Variants in PC observed in about 807,000 individuals in gnomAD.
The protein encoded by PC is pyruvate carboxylase, mitochondrial.
Under a neutral mutation model 107.8 loss-of-function variants are expected in PC, and 46 were observed. The observed-to-expected ratio is 0.43, with a 90% CI of 0.34 to 0.55. The LOEUF is 0.55. Among genes scored for constraint, PC ranks in the 20% least tolerant of loss-of-function variants. The pLI is 0.04. For missense variants in PC, 1,241 were observed against 1,643.1 expected, an observed-to-expected ratio of 0.76 and a Z score of 4.23; for synonymous variants, 662 against 684.7, an observed-to-expected ratio of 0.97 and a Z score of 0.52.
intron 1 of PC, among the ~76,000 whole-genome samples, chr11:66,956,975 G>A (rs1949574892): frequency 6.6e-6 from 1 of 152,238 alleles, no homozygotes; most frequent in African/African-American, 2.4e-5. Context: ...CTGTCTCTCG[G>A]CCCAGTGTAG....
At chr11:66,943,755 C>CAAAAAAAAAA (rs34245785) in intron 3 of PC, among the ~76,000 whole-genome samples, 1 of 17,584 alleles carries the variant, frequency 5.7e-5, no homozygotes, top group Non-Finnish European at 9.5e-5. Context: ...GACTCCGGCT[C>CAAAAAAAAAA]AAAAAAAAAA....
At chr11:66,905,421 A>C (rs755376601) in intron 3 of PC, among the ~76,000 whole-genome samples, 11 of 152,220 alleles carry the variant, frequency 7.2e-5, no homozygotes, top group Non-Finnish European at 1.5e-4. Flanking sequence ...GTCAGGGGCC[A>C]GTGGAGCCAG....
chr11:66,921,163 G>A (rs1948587356), intron 3 of PC, among the ~76,000 whole-genome samples: 1 of 152,194 alleles, frequency 6.6e-6, no homozygotes, highest in Non-Finnish European at 1.5e-5. Context: ...GAGTCGTGAG[G>A]AAGACAAACC....
In PC at chr11:66,866,241, C is replaced by T; in HGVS notation, c.1131G>A (p.Arg377=). 1.2e-6 allele frequency: 2 copies of T among 1,612,686 alleles called. No homozygotes were observed. Among genetic ancestry groups the T allele is most frequent in the Non-Finnish European group, 1.7e-6 (2 of 1,179,822 alleles). ...IRINGCAIQC[R]VTTEDPARSF... is the part of the protein sequence containing the mutation. Reference sequence around the variant, plus strand: ...TGCGCGCGGGGTCCTCGGTGGTGACCCGGCACTGGATGGCACACCCGTTGA... The same window carrying T: ...TGCGCGCGGGGTCCTCGGTGGTGACTCGGCACTGGATGGCACACCCGTTGA... Residue 377 remains arginine (R), a synonymous_variant, in exon 11 of 23, where the codon CGG becomes CGA. Coordinates refer to ENST00000393960, the MANE Select transcript of PC (RefSeq NM_001040716.2). This position sits in a 1 kb window ranked among gnomAD's most constrained non-coding sequence, Gnocchi z 5.4.
intron 12 of PC, chr11:66,859,901 G>A (rs760608890): frequency 1.3e-6 from 2 of 1,576,416 alleles, no homozygotes; most frequent in Admixed American, 3.6e-5. Flanking sequence ...TGGCCTTGCT[G>A]GTTCGGGGCC....
At chr11:66,951,907 A>G (rs1291714249) in intron 3 of PC, among the ~76,000 whole-genome samples, 1 of 152,090 alleles carries the variant, frequency 6.6e-6, no homozygotes, top group African/African-American at 2.4e-5. Context: ...AAAAGAAAAA[A>G]AAAAACTTAG....
chr11:66,880,414 C>T (rs1227583854), intron 3 of PC, among the ~76,000 whole-genome samples: 3 of 152,280 alleles, frequency 2.0e-5, no homozygotes, highest in East Asian at 3.9e-4. Flanking sequence ...GGAGCAGGGG[C>T]CTCTGCACAG....
Position 66,868,899 on chromosome 11 carries a change from G to C in PC, c.969C>G (p.Ile323Met), listed in dbSNP as rs752996978. 1 of 1,613,888 alleles carries C rather than the reference G, an allele frequency of 6.2e-7. No homozygotes were observed. The highest frequency in any genetic ancestry group is 1.7e-5 in the Admixed American group (1 of 60,010). The change falls in exon 10 of 23, where the codon ATC (isoleucine) becomes ATG (methionine). Residue 323 changes from isoleucine (I) to methionine (M), a missense_variant. Coordinates refer to ENST00000393960, the MANE Select transcript of PC (RefSeq NM_001040716.2). ...LVDRHGKHYF[I>M]EVNSRLQVEH... is the part of the protein sequence containing the mutation. The stretch of plus-strand genomic sequence containing the variant: ...CCACCTGCAGGCGGGAGTTGACCTC[G>C]ATGAAGTAGTGCTTGCCGTGCCTGT...
Position 66,870,998 on chromosome 11 carries a change from G to GC in PC, c.633+53dup. 1.9e-6 allele frequency: 3 copies of GC among 1,611,494 alleles called. No individual in the cohort carries two copies. Among genetic ancestry groups the GC allele is most frequent in the Non-Finnish European group, 2.5e-6 (3 of 1,178,630 alleles). On this transcript the variant is annotated intron_variant, in intron 7 of 22. Transcript: ENST00000393960. This position sits in a 1 kb window ranked among gnomAD's most constrained non-coding sequence, Gnocchi z 6.1. ...CAGATCCCTTGAGTGGTCCGCCCCT[G>GC]CCCCCACGGCAGGCTGCCCTGCCCT...
At chr11:66,950,199 A>C (rs564141846) in intron 3 of PC, among the ~76,000 whole-genome samples, 30 of 152,340 alleles carry the variant, frequency 2.0e-4, no homozygotes, top group African/African-American at 7.0e-4. Flanking sequence ...GACAAGAGAA[A>C]GGTGACACAC....
chr11:66,901,811 G>A (rs1232700306), intron 3 of PC, among the ~76,000 whole-genome samples: 4 of 152,034 alleles, frequency 2.6e-5, no homozygotes, highest in African/African-American at 9.7e-5. Context: ...TTCAAGCCTA[G>A]TGGTAGTAAT....
intron 3 of PC, among the ~76,000 whole-genome samples, chr11:66,920,654 G>A (rs1238866295): frequency 6.6e-6 from 1 of 152,068 alleles, no homozygotes; most frequent in African/African-American, 2.4e-5. Flanking sequence ...CAGCCTCCCC[G>A]CCTTGACTCC....
intron 3 of PC, among the ~76,000 whole-genome samples, chr11:66,899,321 T>C (rs1420770508): frequency 6.6e-6 from 1 of 152,238 alleles, no homozygotes; most frequent in Non-Finnish European, 1.5e-5. Context: ...TCCCATCATA[T>C]GACTACAGGT....
chr11:66,880,188 T>A (rs933363401), intron 3 of PC, among the ~76,000 whole-genome samples: 1 of 152,216 alleles, frequency 6.6e-6, no homozygotes, highest in African/African-American at 2.4e-5. Context: ...CCCAGGCCTT[T>A]CCAGAATCAA....
At chr11:66,886,727 C>G (rs1305173449) in intron 3 of PC, among the ~76,000 whole-genome samples, 1 of 152,136 alleles carries the variant, frequency 6.6e-6, no homozygotes, top group Non-Finnish European at 1.5e-5. Context: ...GAACGCGAAG[C>G]CAATGTGGGT....
chr11:66,919,321 C>T (rs1169218835), intron 3 of PC, among the ~76,000 whole-genome samples: 2 of 152,186 alleles, frequency 1.3e-5, no homozygotes, highest in Non-Finnish European at 2.9e-5. Context: ...GAGGCTGAGG[C>T]ATGAGAATCA....
chr11:66,873,454 A>AT (rs1946833114), intron 3 of PC, among the ~76,000 whole-genome samples: 1 of 82,354 alleles, frequency 1.2e-5, no homozygotes, highest in South Asian at 2.5e-4. Flanking sequence ...ATTATATATA[A>AT]AATATATATT....
chr11:66,868,993 G>C, intron 9 of PC, 29 bp from the exon 10 acceptor site: 1 of 1,554,570 alleles, frequency 6.4e-7, no homozygotes, highest in Non-Finnish European at 8.9e-7. Context: ...GAGCAGGGGA[G>C]GGCACAGGCA....
chr11:66,958,096 C>G (rs939973895), intron 1 of PC: 2 of 151,476 alleles, frequency 1.3e-5, no homozygotes, highest in Non-Finnish European at 3.0e-5. Flanking sequence ...GGGGGCGGGT[C>G]CAGCCGGCCG....
Sources: allele counts gnomAD v4.1 joint callset (sites outside exome capture counted in the v4.1 genomes callset), GRCh38; gene constraint gnomAD v4.1.1; non-coding constraint Gnocchi (gnomAD v3.1); transcripts MANE v1.5; gene names NCBI Gene and HGNC (gene_info 2026-07-23, HGNC 2026-07-21).